ARK2C: variants seen among roughly 807,000 people sequenced by gnomAD.
ARK2C encodes E3 ubiquitin-protein ligase ARK2C.
the ARK2C span, among the ~76,000 whole-genome samples, chr18:46,424,661 T>C: frequency 1.3e-5 from 2 of 152,184 alleles, no homozygotes; most frequent in African/African-American, 2.4e-5. Context: ...CAGAAGCTAT[T>C]TGAGGCCCCT....
chr18:46,399,863 A>T, the ARK2C span, among the ~76,000 whole-genome samples: 1 of 151,954 alleles, frequency 6.6e-6, no homozygotes, highest in Non-Finnish European at 1.5e-5. Context: ...TTTTCTCTCT[A>T]ATTCCCTGAG....
the ARK2C span, among the ~76,000 whole-genome samples, chr18:46,405,646 G>T: frequency 1.3e-5 from 2 of 152,190 alleles, no homozygotes; most frequent in Admixed American, 6.5e-5. Flanking sequence ...CTTCTATATA[G>T]CTTGAGGGGT....
At chr18:46,374,760 G>T in the ARK2C span, among the ~76,000 whole-genome samples, 6 of 152,156 alleles carry the variant, frequency 3.9e-5, no homozygotes, top group Admixed American at 6.5e-5. Flanking sequence ...GCAAGGCTCT[G>T]GCTGAACTGG....
the ARK2C span, among the ~76,000 whole-genome samples, chr18:46,446,008 A>T: frequency 6.6e-6 from 1 of 151,296 alleles, no homozygotes; most frequent in East Asian, 1.9e-4. Context: ...GTCACTTAAG[A>T]TGTTCCTTAG....
chr18:46,375,333 A>G, the ARK2C span, among the ~76,000 whole-genome samples: 3 of 152,158 alleles, frequency 2.0e-5, no homozygotes, highest in East Asian at 1.9e-4. Context: ...TGGGTGGGTC[A>G]CTTGAGCCCA....
At chr18:46,369,613 A>T in the ARK2C span, among the ~76,000 whole-genome samples, 1 of 152,000 alleles carries the variant, frequency 6.6e-6, no homozygotes, top group South Asian at 2.1e-4. Context: ...TAGCCAGAAA[A>T]CTTTGGCCTG....
At chr18:46,459,849 G>C in the ARK2C span, 1 of 152,708 alleles carries the variant, frequency 6.5e-6, no homozygotes, top group Non-Finnish European at 1.5e-5. Context: ...CTCAACTCAA[G>C]GGACTCAGAC....
the ARK2C span, chr18:46,334,335 G>A: frequency 6.3e-7 from 1 of 1,584,652 alleles, no homozygotes; most frequent in Non-Finnish European, 8.6e-7. The surrounding 1 kb of genome is among the most constrained non-coding windows in gnomAD (Gnocchi z 4.4). Context: ...GCGAAACAGA[G>A]GTATCGCTTT....
the ARK2C span, among the ~76,000 whole-genome samples, chr18:46,417,908 G>A: frequency 1.3e-5 from 2 of 152,068 alleles, no homozygotes; most frequent in Non-Finnish European, 2.9e-5. Flanking sequence ...GGAGGCTGAG[G>A]TGGGAGAATC....
At chr18:46,349,406 G>T in the ARK2C span, among the ~76,000 whole-genome samples, 1 of 152,152 alleles carries the variant, frequency 6.6e-6, no homozygotes, top group South Asian at 2.1e-4. Context: ...TTCCATTCAT[G>T]AGCGCTTCAC....
chr18:46,438,179 G>A, the ARK2C span, among the ~76,000 whole-genome samples: 1 of 152,254 alleles, frequency 6.6e-6, no homozygotes, highest in African/African-American at 2.4e-5. Flanking sequence ...TTAACCCTGT[G>A]GCTTTAGGTC....
chr18:46,400,103 C>T, the ARK2C span, among the ~76,000 whole-genome samples: 6 of 152,296 alleles, frequency 3.9e-5, no homozygotes, highest in South Asian at 1.0e-3. Flanking sequence ...CATCGCTTGG[C>T]TTCATTTCTC....
At chr18:46,341,552 C>T in the ARK2C span, among the ~76,000 whole-genome samples, 3 of 152,134 alleles carry the variant, frequency 2.0e-5, no homozygotes, top group South Asian at 2.1e-4. Context: ...GAACTTCAGA[C>T]GCCAGAATGG....
At chr18:46,369,602 G>A in the ARK2C span, among the ~76,000 whole-genome samples, 1 of 152,158 alleles carries the variant, frequency 6.6e-6, no homozygotes, top group Non-Finnish European at 1.5e-5. Flanking sequence ...AACACACAAT[G>A]TAGCCAGAAA....
the ARK2C span, chr18:46,334,180 C>T: frequency 1.1e-5 from 9 of 819,152 alleles, no homozygotes; most frequent in Non-Finnish European, 1.3e-5. The surrounding 1 kb of genome is among the most constrained non-coding windows in gnomAD (Gnocchi z 4.4). Flanking sequence ...CCGGCGGCTC[C>T]CGCAGCCCCG....
the ARK2C span, among the ~76,000 whole-genome samples, chr18:46,395,990 G>A: frequency 6.6e-6 from 1 of 152,190 alleles, no homozygotes; most frequent in Non-Finnish European, 1.5e-5. Flanking sequence ...GGCCTTGGCT[G>A]GAATGACCAG....
At chr18:46,352,968 C>A in the ARK2C span, among the ~76,000 whole-genome samples, 1 of 152,206 alleles carries the variant, frequency 6.6e-6, no homozygotes, top group African/African-American at 2.4e-5. Context: ...GCATTAGTGG[C>A]ACTGTGGGTG....
the ARK2C span, among the ~76,000 whole-genome samples, chr18:46,378,539 G>A: frequency 4.6e-5 from 7 of 152,326 alleles, no homozygotes; most frequent in African/African-American, 1.7e-4. Flanking sequence ...AAGCCCAGAG[G>A]TGTCAGATGA....
chr18:46,375,282 G>A, the ARK2C span, among the ~76,000 whole-genome samples: 1 of 150,622 alleles, frequency 6.6e-6, no homozygotes, highest in Non-Finnish European at 1.5e-5. Context: ...GCCGGGCACA[G>A]TGGCTCACAC....
Sources: gnomAD v4.1 joint callset for allele counts (sites outside exome capture counted in the v4.1 genomes callset) on GRCh38, gnomAD v4.1.1 for gene constraint, Gnocchi (gnomAD v3.1) non-coding constraint, MANE v1.5 for transcripts, NCBI Gene and HGNC (gene_info 2026-07-23, HGNC 2026-07-21) for gene names.